TTC3: variants seen among roughly 807,000 people sequenced by gnomAD.
TTC3 encodes E3 ubiquitin-protein ligase TTC3.
Under a neutral mutation model 249.6 loss-of-function variants are expected in TTC3, and 180 were observed. That is an observed-to-expected ratio of 0.72 (90% CI 0.64 to 0.82). The LOEUF is 0.82. Ranked by LOEUF, TTC3 falls within the 40% of genes least tolerant of loss-of-function variation. TTC3 has a pLI of 0.00. For synonymous variants in TTC3, 717 were observed against 805.0 expected, an observed-to-expected ratio of 0.89 and a Z score of 1.85; for missense variants, 2,061 against 2,398.4, an observed-to-expected ratio of 0.86 and a Z score of 2.94.
chr21:37,073,987 CTT>C (rs1273559062), intron 1 of TTC3, among the ~76,000 whole-genome samples: 4 of 152,214 alleles, frequency 2.6e-5, no homozygotes, highest in Non-Finnish European at 5.9e-5. Flanking sequence ...TGCGTGATCT[CTT>C]GTGTGCGGAT....
At chr21:37,141,435 T>C (rs1349705173) in intron 20 of TTC3, among the ~76,000 whole-genome samples, 2 of 151,160 alleles carry the variant, frequency 1.3e-5, no homozygotes, top group Admixed American at 6.6e-5. Context: ...CATCTTAGAA[T>C]GTGCCTAGAA....
intron 39 of TTC3, among the ~76,000 whole-genome samples, chr21:37,190,489 A>G (rs995775092): frequency 6.6e-6 from 1 of 152,170 alleles, no homozygotes; most frequent in Non-Finnish European, 1.5e-5. Flanking sequence ...TCTGATTAAA[A>G]GTAAAATGCT....
chr21:37,170,098 A>G (rs2081622482), intron 34 of TTC3, among the ~76,000 whole-genome samples: 1 of 152,238 alleles, frequency 6.6e-6, no homozygotes. Context: ...GGGAAAAAAG[A>G]ATGTTTATAT....
intron 10 of TTC3, among the ~76,000 whole-genome samples, chr21:37,101,868 G>A (rs959534607): frequency 1.3e-5 from 2 of 150,514 alleles, no homozygotes; most frequent in African/African-American, 4.9e-5. Flanking sequence ...GTGTTTTACT[G>A]AATGGATTGC....
At chr21:37,137,645 A>T (rs2078077801) in intron 18 of TTC3, among the ~76,000 whole-genome samples, 1 of 152,212 alleles carries the variant, frequency 6.6e-6, no homozygotes. Context: ...TGTTGAAATG[A>T]GAAACTTAGT....
chr21:37,074,211 A>G (rs1444772224), intron 1 of TTC3, among the ~76,000 whole-genome samples: 5 of 152,158 alleles, frequency 3.3e-5, no homozygotes, highest in African/African-American at 9.7e-5. Flanking sequence ...CTTTCTGAGC[A>G]TTCTCTCCCA....
intron 34 of TTC3, among the ~76,000 whole-genome samples, chr21:37,170,800 C>A (rs940855441): frequency 6.6e-6 from 1 of 151,906 alleles, no homozygotes; most frequent in Non-Finnish European, 1.5e-5. Flanking sequence ...ATGAATAATA[C>A]CAAAAATTAT....
At chr21:37,130,320 T>C (rs891034090) in intron 16 of TTC3, among the ~76,000 whole-genome samples, 2 of 152,178 alleles carry the variant, frequency 1.3e-5, no homozygotes, top group African/African-American at 4.8e-5. Context: ...CCCTCCCCTG[T>C]ACCCCTAAAG....
At chr21:37,109,441 C>T (rs1255721449) in intron 11 of TTC3, among the ~76,000 whole-genome samples, 4 of 152,192 alleles carry the variant, frequency 2.6e-5, no homozygotes, top group African/African-American at 7.2e-5. Context: ...GAGGGTCCTA[C>T]GCCCATGGAG....
chr21:37,192,480 G>T (rs2084271768), intron 41 of TTC3, among the ~76,000 whole-genome samples: 1 of 82,858 alleles, frequency 1.2e-5, no homozygotes, highest in Admixed American at 1.2e-4. Context: ...TCCTTGGCCT[G>T]TCTTCTATCT....
chr21:37,138,503 A>C, intron 18 of TTC3, 131 bp from the exon 19 acceptor site: 1 of 622,418 alleles, frequency 1.6e-6, no homozygotes, highest in Non-Finnish European at 2.8e-6. Context: ...TTGATTAGTG[A>C]GATTTTATGA....
intron 38 of TTC3, chr21:37,188,099 C>T (rs557953952): frequency 3.4e-4 from 52 of 153,622 alleles, no homozygotes; most frequent in Middle Eastern, 3.4e-3. Context: ...ATGCCCTTGC[C>T]GAGAACAGCT....
intron 10 of TTC3, chr21:37,097,859 C>CTT (rs1259135788): frequency 1.5e-6 from 1 of 652,098 alleles, no homozygotes; most frequent in Non-Finnish European, 2.8e-6. Flanking sequence ...GTAGTAAACT[C>CTT]TAAGCATGTA....
intron 16 of TTC3, among the ~76,000 whole-genome samples, chr21:37,129,629 A>G (rs2077310390): frequency 1.3e-5 from 2 of 151,794 alleles, no homozygotes; most frequent in Non-Finnish European, 2.9e-5. Context: ...ATTGCCTCCT[A>G]TCTTTTTTTT....
chr21:37,201,914 C>A, exon 46 of TTC3: 1 of 206,192 alleles, frequency 4.8e-6, no homozygotes, highest in Non-Finnish European at 9.2e-6. Flanking sequence ...AGCCAAGCGC[C>A]CCACGTTTGT....
intron 1 of TTC3, among the ~76,000 whole-genome samples, chr21:37,073,888 C>T (rs556382396): frequency 6.6e-6 from 1 of 152,358 alleles, no homozygotes; most frequent in South Asian, 2.1e-4. Flanking sequence ...TCTGCAATTG[C>T]GACCCCCGCC....
chr21:37,159,872 T>TG, intron 29 of TTC3, 127 bp downstream of exon 29: 1 of 763,090 alleles, frequency 1.3e-6, no homozygotes, highest in South Asian at 1.6e-5. Context: ...AAAGGACGTC[T>TG]GGGTAGTACG....
At chr21:37,114,340 A>G (rs1162234218) in intron 11 of TTC3, among the ~76,000 whole-genome samples, 3 of 152,198 alleles carry the variant, frequency 2.0e-5, no homozygotes, top group Non-Finnish European at 4.4e-5. Context: ...ACAAATTTAC[A>G]AGAAAAAAAC....
intron 34 of TTC3, among the ~76,000 whole-genome samples, chr21:37,170,729 A>G (rs965945832): frequency 3.9e-5 from 6 of 152,206 alleles, no homozygotes; most frequent in African/African-American, 1.4e-4. Context: ...TGCTATTTGT[A>G]CAAATAGTGT....
Sources: gnomAD v4.1 joint callset for allele counts (sites outside exome capture counted in the v4.1 genomes callset) on GRCh38, gnomAD v4.1.1 for gene constraint, MANE v1.5 for transcripts, NCBI Gene and HGNC (gene_info 2026-07-23, HGNC 2026-07-21) for gene names.